The following FGF12 variants were observed in gnomAD, a reference collection of about 807,000 sequenced individuals.
The protein encoded by FGF12 is fibroblast growth factor 12.
A neutral mutation model predicts 23.6 loss-of-function variants in FGF12; 14 were observed. The observed-to-expected ratio is 0.59, with a 90% CI of 0.39 to 0.93. The LOEUF is 0.93. FGF12 is among the 40% of genes least tolerant of loss of function. The pLI is 0.00. For synonymous variants in FGF12, 62 were observed against 77.3 expected, an observed-to-expected ratio of 0.80 and a Z score of 1.04; for missense variants, 175 against 217.8, an observed-to-expected ratio of 0.80 and a Z score of 1.24.
At chr3:192,588,829 T>A (rs911386770) in intron 2 of FGF12, among the ~76,000 whole-genome samples, 4 of 151,880 alleles carry the variant, frequency 2.6e-5, no homozygotes, top group African/African-American at 9.7e-5. Context: ...TTTCTTTAGG[T>A]GAGAGGTAAA....
At chr3:192,545,757 A>T (rs1560145983) in intron 2 of FGF12, among the ~76,000 whole-genome samples, 1 of 152,210 alleles carries the variant, frequency 6.6e-6, no homozygotes, top group Non-Finnish European at 1.5e-5. Context: ...ATTAAAAAAT[A>T]TTCTCTTTCT....
intron 4 of FGF12, among the ~76,000 whole-genome samples, chr3:192,220,045 C>T (rs1414233126): frequency 6.6e-6 from 1 of 151,960 alleles, no homozygotes; most frequent in African/African-American, 2.4e-5. Context: ...TCCTTATAGT[C>T]CTACTGCCAT....
At chr3:192,167,011 G>A (rs1417604076) in intron 5 of FGF12, among the ~76,000 whole-genome samples, 1 of 151,664 alleles carries the variant, frequency 6.6e-6, no homozygotes, top group Non-Finnish European at 1.5e-5. Flanking sequence ...GTAAAAACAC[G>A]ATAATCTACC....
At chr3:192,252,526 A>C (rs952473613) in intron 4 of FGF12, among the ~76,000 whole-genome samples, 8 of 150,880 alleles carry the variant, frequency 5.3e-5, no homozygotes, top group Admixed American at 4.6e-4. Context: ...GAAGACAAGA[A>C]AAGACAAGAA....
chr3:192,290,471 C>T (rs1398425733), intron 4 of FGF12, among the ~76,000 whole-genome samples: 2 of 152,146 alleles, frequency 1.3e-5, no homozygotes, highest in Non-Finnish European at 2.9e-5. Flanking sequence ...GTAGGAGTTA[C>T]AATCTGTCTA....
chr3:192,544,897 A>G (rs999225568), intron 2 of FGF12, among the ~76,000 whole-genome samples: 1 of 152,172 alleles, frequency 6.6e-6, no homozygotes, highest in African/African-American at 2.4e-5. Context: ...AGGTCTGTCT[A>G]AGAGCAGACA....
chr3:192,246,609 A>C (rs1028453036), intron 4 of FGF12, among the ~76,000 whole-genome samples: 12 of 152,070 alleles, frequency 7.9e-5, no homozygotes, highest in Non-Finnish European at 1.8e-4. Flanking sequence ...GGATCACCTG[A>C]GGTCAGGAGT....
intron 4 of FGF12, among the ~76,000 whole-genome samples, chr3:192,317,136 G>T (rs1043921789): frequency 6.6e-6 from 1 of 151,832 alleles, no homozygotes; most frequent in Non-Finnish European, 1.5e-5. Context: ...GGCTTCAAGG[G>T]TGTCCCAGCA....
chr3:192,566,251 G>C (rs763933511), intron 2 of FGF12, among the ~76,000 whole-genome samples: 28 of 152,184 alleles, frequency 1.8e-4, no homozygotes, highest in Non-Finnish European at 2.5e-4. Context: ...TCAGACTCAA[G>C]GAATCTGGCC....
At chr3:192,297,019 A>G (rs1182590466) in intron 4 of FGF12, among the ~76,000 whole-genome samples, 1 of 152,202 alleles carries the variant, frequency 6.6e-6, no homozygotes, top group Non-Finnish European at 1.5e-5. Flanking sequence ...TGCTTTGTTC[A>G]AGTTTCATTA....
intron 2 of FGF12, among the ~76,000 whole-genome samples, chr3:192,366,906 T>C (rs1288043471): frequency 6.6e-6 from 1 of 151,856 alleles, no homozygotes. Context: ...GGCCAATGGG[T>C]GAAAGTTACA....
Position 192,144,709 on chromosome 3 carries a change from G to C in FGF12, c.428-582C>G, listed in dbSNP as rs932865620. 5.9e-5 allele frequency among the ~76,000 whole-genome samples: 9 copies of C among 152,242 alleles called. No individual in the cohort carries two copies. In the East Asian group the frequency reaches 1.7e-3, roughly 29 times the overall value. On this transcript the variant is annotated intron_variant, in intron 5 of 5. Coordinates refer to ENST00000445105, the MANE Select transcript of FGF12 (RefSeq NM_004113.6). ...GACTTTGTAGTTTTTCATCAATAGG[G>C]AACGTGATTATGCAAGCATGAGACT...
intron 2 of FGF12, among the ~76,000 whole-genome samples, chr3:192,657,619 T>C (rs1244147702): frequency 6.6e-6 from 1 of 152,178 alleles, no homozygotes; most frequent in Non-Finnish European, 1.5e-5. Flanking sequence ...TACCTGAATT[T>C]GTTAAATCTA....
intron 2 of FGF12, among the ~76,000 whole-genome samples, chr3:192,653,712 A>T (rs1716293990): frequency 2.2e-5 from 3 of 138,458 alleles, no homozygotes; most frequent in African/African-American, 5.4e-5. Flanking sequence ...TATATTCCTC[A>T]TTTGAGGCTT....
At chr3:192,437,450 T>C (rs993795877) in intron 2 of FGF12, among the ~76,000 whole-genome samples, 5 of 152,136 alleles carry the variant, frequency 3.3e-5, no homozygotes, top group African/African-American at 1.2e-4. Context: ...CCCAGCACTT[T>C]GGGAGGTCAA....
chr3:192,622,811 C>A (rs1010510153), intron 2 of FGF12, among the ~76,000 whole-genome samples: 1 of 152,108 alleles, frequency 6.6e-6, no homozygotes, highest in Admixed American at 6.6e-5. Flanking sequence ...GACACACACA[C>A]GTGGCTAAAG....
chr3:192,683,755 T>C (rs1446562789), intron 2 of FGF12, among the ~76,000 whole-genome samples: 1 of 152,174 alleles, frequency 6.6e-6, no homozygotes, highest in Non-Finnish European at 1.5e-5. Context: ...AATTCAAATG[T>C]TGGTCATCCA....
At chr3:192,226,331 A>G (rs1202623752) in intron 4 of FGF12, among the ~76,000 whole-genome samples, 2 of 152,186 alleles carry the variant, frequency 1.3e-5, no homozygotes, top group Non-Finnish European at 2.9e-5. Context: ...GTAAAAAAGC[A>G]AACTATTTTT....
chr3:192,565,813 A>C (rs1243901482), intron 2 of FGF12, among the ~76,000 whole-genome samples: 2 of 152,208 alleles, frequency 1.3e-5, no homozygotes, highest in East Asian at 3.9e-4. Flanking sequence ...TGGGCCGGGC[A>C]TGGTGGCTCA....
Sources: allele counts gnomAD v4.1 joint callset (sites outside exome capture counted in the v4.1 genomes callset), GRCh38; gene constraint gnomAD v4.1.1; transcripts MANE v1.5; gene names NCBI Gene and HGNC (gene_info 2026-07-23, HGNC 2026-07-21).